The following DNM2 variants were observed in gnomAD, a reference collection of about 807,000 sequenced individuals.
DNM2 encodes dynamin 2.
Under a neutral mutation model 99.0 loss-of-function variants are expected in DNM2, and 15 were observed. That is an observed-to-expected ratio of 0.15 (90% CI 0.10 to 0.23). The LOEUF (loss-of-function observed/expected upper bound fraction) is 0.23. Among genes scored for constraint, DNM2 ranks in the 10% least tolerant of loss-of-function variants. The pLI, the probability that DNM2 is intolerant of heterozygous loss-of-function variation, is 1.00. For missense variants in DNM2, 742 were observed against 1,189.4 expected (o/e 0.62, Z 5.53); for synonymous variants, 525 against 481.2 (o/e 1.09, Z -1.19).
rs1444750796 is a variant in DNM2 at position 10,812,460 on chromosome 19, T to C, written c.1671+83T>C. ...GGTGGGCGCTCCCTCTGGGCAGAAC[T>C]CAGTCACTGCGCCACTCTGCCCTGA... On this transcript the variant is annotated intron_variant, in intron 15 of 20. Transcript: ENST00000389253. The surrounding 1 kb of genome is among the most constrained non-coding windows in gnomAD (Gnocchi z 4.0). The C allele has an allele frequency of 3.5e-6, 4 of 1,157,306 alleles. No homozygotes were observed. The highest frequency in any genetic ancestry group is 5.0e-6 in the Non-Finnish European group (4 of 803,908). The allele number at this position is 1,157,306 out of a possible 1,614,324, so 71.7% of individuals were successfully genotyped here.
rs141258508 is a variant in DNM2, at chr19:10,775,186, T to A, written c.386-517T>A. ...AACCTCCACCTTCTGGGTTCAAGTG[T>A]TTCTCATGCCTCAGCCTCCAGAGTA... On this transcript the variant is annotated intron_variant, in intron 3 of 20. Transcript: ENST00000389253. This position sits in a 1 kb window ranked among gnomAD's most constrained non-coding sequence, Gnocchi z 4.3. Among the ~76,000 whole-genome samples the A allele has an allele frequency of 3.2e-3, 488 of 152,172 alleles. 1 individual carries two copies. Among genetic ancestry groups the A allele is most frequent in the African/African-American group, 0.011 (473 of 41,516 alleles).
chr19:10,745,143 A>G lies in DNM2; in HGVS notation c.162-14595A>G, dbSNP rs187630237. Among the ~76,000 whole-genome samples the G allele has an allele frequency of 8.5e-5, 13 of 152,200 alleles. No homozygotes were observed. The East Asian group carries it at 1.5e-3, about 18-fold the overall frequency. Reference sequence around the variant, plus strand: ...ATACACAGGAAATGGGGATGTGCGGAAAAAAAACCCGAAGTGGAGGACATC... The same window carrying G: ...ATACACAGGAAATGGGGATGTGCGGGAAAAAAACCCGAAGTGGAGGACATC... On this transcript the variant is annotated intron_variant, in intron 1 of 20. Transcript: ENST00000389253.
chr19:10,795,273 A>G lies in DNM2; in HGVS notation c.1129-99A>G. The G allele has an allele frequency of 9.0e-7, 1 of 1,116,276 alleles. No homozygotes were observed. The highest frequency in any genetic ancestry group is 1.4e-6 in the Non-Finnish European group (1 of 730,052). 69.1% of individuals were successfully genotyped at this position (1,116,276 alleles called of 1,614,324 possible). On this transcript the variant is annotated intron_variant, in intron 8 of 20. Coordinates refer to ENST00000389253, the MANE Select transcript of DNM2 (RefSeq NM_001005361.3). This position sits in a 1 kb window ranked among gnomAD's most constrained non-coding sequence, Gnocchi z 4.2. ...GACGAGTTAAATATTCTGCCTTGTG[A>G]ATATAGCCACACGTGGGAGAGAACG...
At chr19:10,813,280 T>G (rs1238472342) in intron 15 of DNM2, among the ~76,000 whole-genome samples, 3 of 152,150 alleles carry the variant, frequency 2.0e-5, no homozygotes, top group African/African-American at 4.8e-5. Context: ...TCACTGCGAG[T>G]GAGGGGGCAG....
At chr19:10,739,130 G>A (rs893059619) in intron 1 of DNM2, among the ~76,000 whole-genome samples, 9 of 150,656 alleles carry the variant, frequency 6.0e-5, no homozygotes, top group Non-Finnish European at 1.3e-4. Context: ...CCGAGATCAC[G>A]CCACTGCACT....
At chr19:10,749,832 G>T (rs534071280) in intron 1 of DNM2, among the ~76,000 whole-genome samples, 7 of 152,248 alleles carry the variant, frequency 4.6e-5, no homozygotes, top group Non-Finnish European at 1.0e-4. Flanking sequence ...GTGGGAAGGG[G>T]TGTGTATTTG....
chr19:10,755,752 C>T (rs908414599), intron 1 of DNM2, among the ~76,000 whole-genome samples: 2 of 152,106 alleles, frequency 1.3e-5, no homozygotes, highest in Admixed American at 1.3e-4. Context: ...CAATCTCCGC[C>T]TCCCGGGTTC....
intron 7 of DNM2, among the ~76,000 whole-genome samples, chr19:10,791,821 C>T (rs868286149): frequency 8.5e-5 from 13 of 152,332 alleles, no homozygotes; most frequent in Middle Eastern, 6.8e-3. Context: ...TGCAGTGGCT[C>T]ATGCCTGTAA....
rs1283434247 is a variant in DNM2 at position 10,772,416 on chromosome 19, G to A, written c.236-63G>A. 1.0e-5 allele frequency: 16 copies of A among 1,602,194 alleles called. No individual in the cohort carries two copies. The highest frequency in any genetic ancestry group is 5.5e-5 in the South Asian group (5 of 90,828). ...TTCATTCAACAAAGCATTTCTCCCC[G>A]CAGTCCATGCGCACCCTGCCCACAG... On this transcript the variant is annotated intron_variant, in intron 2 of 20. Coordinates refer to ENST00000389253, the MANE Select transcript of DNM2 (RefSeq NM_001005361.3). This position sits in a 1 kb window ranked among gnomAD's most constrained non-coding sequence, Gnocchi z 4.9.
intron 4 of DNM2, 137 bp from the exon 5 acceptor site, chr19:10,776,981 G>A: frequency 1.3e-6 from 1 of 790,752 alleles, no homozygotes; most frequent in Non-Finnish European, 2.2e-6. Context: ...TGGGGTCCAG[G>A]CCTGTGACGT....
chr19:10,829,155 C>T lies in DNM2; in HGVS notation c.2178C>T (p.Tyr726=), dbSNP rs1022616200. 6.2e-7 allele frequency: 1 copy of T among 1,613,896 alleles called. No homozygotes were observed. The highest frequency in any genetic ancestry group is 1.3e-5 in the African/African-American group (1 of 74,946). Residue 726 remains tyrosine, a synonymous_variant, in exon 19 of 21, where the codon TAC becomes TAT. Transcript: ENST00000389253. ...AQRRDDMLRM[Y]HALKEALNII... Reference sequence around the variant, plus strand: ...GGCGGGACGACATGCTGCGCATGTACCATGCCCTCAAGGAGGCGCTCAACA... The same window carrying T: ...GGCGGGACGACATGCTGCGCATGTATCATGCCCTCAAGGAGGCGCTCAACA...
rs749211120 is a variant in DNM2 at position 10,816,195 on chromosome 19, C to T, written c.1672-3785C>T. Among the ~76,000 whole-genome samples, 8 of 152,064 alleles carry T rather than the reference C, an allele frequency of 5.3e-5. No homozygotes were observed. The highest frequency in any genetic ancestry group is 1.0e-4 in the Non-Finnish European group (7 of 68,008). Reference sequence around the variant, plus strand: ...CCCTGACCTGAGGGACACCCCAGCCCGACATCCGAACACCTCCGCTGCAGC... The same window carrying T: ...CCCTGACCTGAGGGACACCCCAGCCTGACATCCGAACACCTCCGCTGCAGC... On this transcript the variant is annotated intron_variant, in intron 15 of 20. Transcript: ENST00000389253. The surrounding 1 kb of genome is among the most constrained non-coding windows in gnomAD (Gnocchi z 4.6).
At chr19:10,723,314 G>A (rs1188708700) in intron 1 of DNM2, among the ~76,000 whole-genome samples, 1 of 152,104 alleles carries the variant, frequency 6.6e-6, no homozygotes, top group African/African-American at 2.4e-5. Context: ...TGTATTTTTA[G>A]TAGAGGCGGG....
chr19:10,784,133 G>A (rs2071474835), intron 6 of DNM2, among the ~76,000 whole-genome samples: 1 of 152,146 alleles, frequency 6.6e-6, no homozygotes, highest in African/African-American at 2.4e-5. Context: ...ACCTTCCAGG[G>A]TGGCAGCAGG....
At chr19:10,821,249 C>A (rs1194918251) in intron 16 of DNM2, among the ~76,000 whole-genome samples, 2 of 152,186 alleles carry the variant, frequency 1.3e-5, no homozygotes, top group Admixed American at 6.5e-5. Context: ...CCATATGACA[C>A]CTGGCAGCTG....
rs533405617 is a variant in DNM2 at position 10,748,552 on chromosome 19, C to T, written c.162-11186C>T. Among the ~76,000 whole-genome samples the T allele has an allele frequency of 3.3e-5, 5 of 152,234 alleles. No individual in the cohort carries two copies. In the South Asian group the frequency reaches 1.0e-3, roughly 32 times the overall value. Reference sequence around the variant, plus strand: ...TATTGTTGGAAGGATGAGGCAGGGACCGAGGTGGGCAGAGGAGACTGGGCA... The same window carrying T: ...TATTGTTGGAAGGATGAGGCAGGGATCGAGGTGGGCAGAGGAGACTGGGCA... On this transcript the variant is annotated intron_variant, in intron 1 of 20. Transcript: ENST00000389253.
intron 5 of DNM2, among the ~76,000 whole-genome samples, chr19:10,780,844 A>G (rs984148580): frequency 8.6e-5 from 13 of 151,794 alleles, no homozygotes; most frequent in Non-Finnish European, 1.5e-4. Context: ...GGGTGGATCA[A>G]ACCCCAGCTC....
intron 1 of DNM2, among the ~76,000 whole-genome samples, chr19:10,742,126 C>G (rs2069774932): frequency 6.6e-6 from 1 of 152,024 alleles, no homozygotes; most frequent in South Asian, 2.1e-4. Flanking sequence ...CACTCTCCCC[C>G]TTGAATTTTT....
In DNM2 at chr19:10,795,280, C is replaced by A. The variant is rs1412936074; in HGVS notation, c.1129-92C>A. 8.5e-7 allele frequency: 1 copy of A among 1,173,362 alleles called. No homozygotes were observed. Among genetic ancestry groups the A allele is most frequent in the Non-Finnish European group, 1.3e-6 (1 of 780,872 alleles). 72.7% of individuals were successfully genotyped at this position (1,173,362 alleles called of 1,614,324 possible). On this transcript the variant is annotated intron_variant, in intron 8 of 20. Transcript: ENST00000389253. The surrounding 1 kb of genome is among the most constrained non-coding windows in gnomAD (Gnocchi z 4.2). ...TAAATATTCTGCCTTGTGAATATAG[C>A]CACACGTGGGAGAGAACGTTCCCCA...
Sources: gnomAD v4.1 joint callset for allele counts (sites outside exome capture counted in the v4.1 genomes callset) on GRCh38, gnomAD v4.1.1 for gene constraint, Gnocchi (gnomAD v3.1) non-coding constraint, MANE v1.5 for transcripts, NCBI Gene and HGNC (gene_info 2026-07-23, HGNC 2026-07-21) for gene names.